ZNF536: variants seen among roughly 807,000 people sequenced by gnomAD.
The protein encoded by ZNF536 is zinc finger protein 536.
ZNF536 carries 13 observed loss-of-function variants against 84.5 expected under a neutral mutation model. The observed-to-expected ratio is 0.15, with a 90% CI of 0.10 to 0.24. ZNF536 has a LOEUF of 0.24. ZNF536 is among the 10% of genes least tolerant of loss of function. The pLI, the probability that ZNF536 is intolerant of heterozygous loss-of-function variation, is 1.00. For synonymous variants in ZNF536, 811 were observed against 742.5 expected (o/e 1.09, Z -1.50); for missense variants, 1,536 against 1,747.5 (o/e 0.88, Z 2.16).
intron 3 of ZNF536, among the ~76,000 whole-genome samples, chr19:30,365,522 G>T (rs1164274711): frequency 6.6e-6 from 1 of 152,182 alleles, no homozygotes; most frequent in Admixed American, 6.5e-5. Context: ...TCCCTGGTGT[G>T]CTTGAACATA....
At chr19:30,588,995 T>C (rs1388766498) in intron 1 of ZNF536, among the ~76,000 whole-genome samples, 1 of 152,216 alleles carries the variant, frequency 6.6e-6, no homozygotes, top group Non-Finnish European at 1.5e-5. Flanking sequence ...AGAATAGAGC[T>C]ATTCAGACTT....
chr19:30,399,902 G>T (rs1204645749), intron 1 of ZNF536, among the ~76,000 whole-genome samples: 1 of 152,028 alleles, frequency 6.6e-6, no homozygotes, highest in Non-Finnish European at 1.5e-5. Context: ...TGGTTAGGCT[G>T]GTCTTGAACT....
chr19:30,648,657 C>G (rs1011710387), intron 1 of ZNF536, among the ~76,000 whole-genome samples: 2 of 152,200 alleles, frequency 1.3e-5, no homozygotes, highest in East Asian at 1.9e-4. Context: ...TGCTGTTCCC[C>G]GTCCCTCATC....
chr19:30,383,743 C>CTTTCTT (rs1322092817), intron 1 of ZNF536, among the ~76,000 whole-genome samples: 52 of 23,214 alleles, frequency 2.2e-3, no homozygotes, highest in East Asian at 9.6e-3. Flanking sequence ...TTCTTTCTTT[C>CTTTCTT]TCTTTCTTTC....
At position 30,339,783 on chromosome 19, in the gene ZNF536, G is replaced by A. The variant is rs748049197; in HGVS notation, c.-119-12585G>A. On this transcript the variant is annotated intron_variant, in intron 2 of 5. Transcript: ENST00000585628. ...GGGAGGTGGGGAGGCCAGCAGCCAC[G>A]TTCTGAGCAGGCAGGTGCTGTGGCT... Among the ~76,000 whole-genome samples, 7 of 152,282 alleles carry A rather than the reference G, an allele frequency of 4.6e-5. 1 individual carries two copies. Among genetic ancestry groups the A allele is most frequent in the African/African-American group, 1.7e-4 (7 of 41,574 alleles).
rs759631811 is a variant in ZNF536 at position 30,520,463 on chromosome 19, G to GT, written c.2171-14383dup. Reference sequence around the variant, plus strand: ...CTGCTTCTTTCTCCCTGTCATCCCAGTGCCCACATCCCCCCAGGTCCTCAT... The same window carrying GT: ...CTGCTTCTTTCTCCCTGTCATCCCAGTTGCCCACATCCCCCCAGGTCCTCAT... On this transcript the variant is annotated intron_variant, in intron 2 of 4. Transcript: ENST00000355537. 1.1e-4 allele frequency among the ~76,000 whole-genome samples: 16 copies of GT among 152,220 alleles called. No homozygotes were observed. The East Asian group carries it at 2.9e-3, about 28-fold the overall frequency.
intron 1 of ZNF536, among the ~76,000 whole-genome samples, chr19:30,252,392 G>C (rs969367749): frequency 1.3e-5 from 2 of 152,192 alleles, no homozygotes; most frequent in African/African-American, 4.8e-5. Context: ...CTCCCCAGGG[G>C]GATCTGGTGC....
chr19:30,709,511 C>T (rs2052377349), intron 1 of ZNF536, among the ~76,000 whole-genome samples: 1 of 152,182 alleles, frequency 6.6e-6, no homozygotes, highest in African/African-American at 2.4e-5. Context: ...CTGGCTTTGC[C>T]CTGAGGCCTG....
chr19:30,680,602 A>ATAG (rs1369925920), intron 1 of ZNF536, among the ~76,000 whole-genome samples: 2 of 152,076 alleles, frequency 1.3e-5, no homozygotes, highest in African/African-American at 4.8e-5. Context: ...CTGTGGCTGC[A>ATAG]TAGTATTCCA....
intron 1 of ZNF536, among the ~76,000 whole-genome samples, chr19:30,605,369 C>A (rs1352081972): frequency 2.0e-5 from 3 of 151,874 alleles, no homozygotes; most frequent in African/African-American, 7.3e-5. Context: ...CCCCAACATT[C>A]ATTATATCAC....
chr19:30,414,234 T>G (rs1205293851), intron 1 of ZNF536, among the ~76,000 whole-genome samples: 1 of 152,148 alleles, frequency 6.6e-6, no homozygotes, highest in Non-Finnish European at 1.5e-5. Context: ...ATTCTTAAAT[T>G]TTCAACCTTT....
chr19:30,301,415 C>G (rs2046180364), intron 2 of ZNF536, among the ~76,000 whole-genome samples: 1 of 152,192 alleles, frequency 6.6e-6, no homozygotes, highest in Non-Finnish European at 1.5e-5. Flanking sequence ...AAGGGATGCC[C>G]TGGGTCCCTT....
At chr19:30,383,682 TCCTTCCTTTCTTTTCTTTC>T (rs762519344) in intron 1 of ZNF536, among the ~76,000 whole-genome samples, 18,698 of 39,126 alleles carry the variant, frequency 0.48, 3,113 homozygotes, top group African/African-American at 0.54. Flanking sequence ...CTTCCTTTCT[TCCTTCCTTTCTTTTCTTTC>T]TCTTTCTTTC....
intron 1 of ZNF536, among the ~76,000 whole-genome samples, chr19:30,404,391 T>C (rs2050180435): frequency 6.6e-6 from 1 of 152,168 alleles, no homozygotes; most frequent in Non-Finnish European, 1.5e-5. Flanking sequence ...CTTGAGGTAG[T>C]GATGGCTTAG....
intron 3 of ZNF536, among the ~76,000 whole-genome samples, chr19:30,546,774 G>C (rs1482582239): frequency 6.6e-6 from 1 of 152,220 alleles, no homozygotes; most frequent in Non-Finnish European, 1.5e-5. Flanking sequence ...GTGAATAAGA[G>C]AGCGGGGACT....
chr19:30,573,669 T>C, intron 1 of ZNF536, among the ~76,000 whole-genome samples: 1 of 152,188 alleles, frequency 6.6e-6, no homozygotes, highest in Admixed American at 6.5e-5. Flanking sequence ...CCCACCCGGT[T>C]TCCTTTTAGG....
intron 2 of ZNF536, among the ~76,000 whole-genome samples, chr19:30,494,627 G>A (rs574519453): frequency 6.6e-4 from 100 of 152,164 alleles, no homozygotes; most frequent in Non-Finnish European, 1.1e-3. Flanking sequence ...CAGGACCCAA[G>A]GACATTGCTC....
intron 2 of ZNF536, among the ~76,000 whole-genome samples, chr19:30,326,007 T>C (rs765882596): frequency 3.3e-5 from 5 of 152,172 alleles, no homozygotes; most frequent in African/African-American, 4.8e-5. Context: ...GAAATTGAAC[T>C]TGGGGTCATG....
At chr19:30,334,390 G>A (rs1332893080) in intron 2 of ZNF536, among the ~76,000 whole-genome samples, 1 of 152,122 alleles carries the variant, frequency 6.6e-6, no homozygotes, top group East Asian at 1.9e-4. Flanking sequence ...AATTCTAATC[G>A]AATTCCTGTG....
Sources: allele counts gnomAD v4.1 joint callset (sites outside exome capture counted in the v4.1 genomes callset), GRCh38; gene constraint gnomAD v4.1.1; transcripts MANE v1.5; gene names NCBI Gene and HGNC (gene_info 2026-07-23, HGNC 2026-07-21).